PKNOX2: variants seen among roughly 807,000 people sequenced by gnomAD.
PKNOX2 encodes the protein homeobox protein PKNOX2.
A neutral mutation model predicts 53.1 loss-of-function variants in PKNOX2; 14 were observed. The ratio of observed to expected loss-of-function variants is 0.26; its 90% confidence interval spans 0.17 to 0.41. The LOEUF is 0.41. Ranked by LOEUF, PKNOX2 falls within the 10% of genes least tolerant of loss-of-function variation. The pLI is 1.00. For synonymous variants in PKNOX2, 257 were observed against 242.8 expected, an observed-to-expected ratio of 1.06 and a Z score of -0.54; for missense variants, 496 against 602.8, an observed-to-expected ratio of 0.82 and a Z score of 1.85.
At chr11:125,374,980 C>G (rs1952756000) in intron 5 of PKNOX2, among the ~76,000 whole-genome samples, 1 of 152,086 alleles carries the variant, frequency 6.6e-6, no homozygotes, top group African/African-American at 2.4e-5. Context: ...AAGCTGGGGC[C>G]ATGAAGGTTC....
chr11:125,293,220 A>G lies in PKNOX2; in HGVS notation c.-129-38599A>G, dbSNP rs189366573. Among the ~76,000 whole-genome samples the G allele has an allele frequency of 6.6e-4, 100 of 152,264 alleles. 2 individuals are homozygous for G. Among genetic ancestry groups the G allele is most frequent in the Admixed American group, 1.3e-3 (20 of 15,298 alleles). ...CACACAAATACACACACACACAACT[A>G]TATACATATATAATCCATACTGCTT... On this transcript the variant is annotated intron_variant, in intron 2 of 12. Transcript: ENST00000298282.
intron 2 of PKNOX2, among the ~76,000 whole-genome samples, chr11:125,280,764 G>A (rs1465734778): frequency 6.6e-6 from 1 of 152,116 alleles, no homozygotes; most frequent in East Asian, 1.9e-4. Flanking sequence ...CATTCACAGG[G>A]CCCTACACAG....
chr11:125,314,572 G>A (rs953866952), intron 2 of PKNOX2, among the ~76,000 whole-genome samples: 5 of 152,242 alleles, frequency 3.3e-5, no homozygotes, highest in African/African-American at 9.6e-5. Flanking sequence ...GCAGTCAGTG[G>A]GGAGGGGACA....
chr11:125,388,104 C>T (rs924374244), intron 6 of PKNOX2, among the ~76,000 whole-genome samples: 1 of 151,944 alleles, frequency 6.6e-6, no homozygotes, highest in Non-Finnish European at 1.5e-5. Context: ...ACCGTGCGGC[C>T]GGGACCATGA....
chr11:125,170,117 G>A (rs532657750), intron 1 of PKNOX2, among the ~76,000 whole-genome samples: 27 of 152,268 alleles, frequency 1.8e-4, no homozygotes, highest in Admixed American at 2.0e-4. Flanking sequence ...AGCTAGCCAC[G>A]GCCTGAACCT....
At chr11:125,427,095 G>C (rs1565524003) in intron 10 of PKNOX2, among the ~76,000 whole-genome samples, 1 of 152,220 alleles carries the variant, frequency 6.6e-6, no homozygotes, top group Admixed American at 6.5e-5. Flanking sequence ...GCTATGGACA[G>C]GGAGGCTGCT....
chr11:125,320,880 T>C (rs1050082364), intron 2 of PKNOX2, among the ~76,000 whole-genome samples: 1 of 152,162 alleles, frequency 6.6e-6, no homozygotes, highest in Non-Finnish European at 1.5e-5. Flanking sequence ...ACAACCTGCT[T>C]TGCCTGGCAT....
chr11:125,205,310 G>C (rs756643535), intron 1 of PKNOX2, among the ~76,000 whole-genome samples: 4 of 152,024 alleles, frequency 2.6e-5, no homozygotes, highest in African/African-American at 4.8e-5. Context: ...GGTGGGGAGC[G>C]GGGGAGAGCT....
At chr11:125,212,450 T>C (rs1939963412) in intron 1 of PKNOX2, among the ~76,000 whole-genome samples, 1 of 12,842 alleles carries the variant, frequency 7.8e-5, no homozygotes, top group Non-Finnish European at 1.9e-4. Flanking sequence ...GAGGGGATTC[T>C]TTTTTTTTTT....
intron 2 of PKNOX2, among the ~76,000 whole-genome samples, chr11:125,303,556 A>G (rs1948224647): frequency 1.3e-5 from 2 of 152,254 alleles, no homozygotes; most frequent in South Asian, 4.1e-4. Flanking sequence ...GTTCAGACTC[A>G]TGGCCTTGGA....
intron 1 of PKNOX2, among the ~76,000 whole-genome samples, chr11:125,201,721 G>A (rs1173770172): frequency 1.3e-5 from 2 of 152,198 alleles, no homozygotes; most frequent in African/African-American, 4.8e-5. Flanking sequence ...CCTCTCTCCT[G>A]TTATTAATGG....
At chr11:125,250,327 T>C (rs1386198938) in intron 2 of PKNOX2, among the ~76,000 whole-genome samples, 1 of 152,072 alleles carries the variant, frequency 6.6e-6, no homozygotes, top group East Asian at 1.9e-4. Flanking sequence ...TTCAAACAGA[T>C]TTCAAGAAAG....
intron 2 of PKNOX2, among the ~76,000 whole-genome samples, chr11:125,275,056 C>G (rs1156844689): frequency 6.6e-6 from 1 of 152,176 alleles, no homozygotes; most frequent in East Asian, 1.9e-4. Flanking sequence ...ACAAGGGTCC[C>G]TGCCATCAAG....
intron 4 of PKNOX2, among the ~76,000 whole-genome samples, chr11:125,355,480 G>A (rs1036138206): frequency 2.0e-4 from 30 of 152,114 alleles, no homozygotes; most frequent in African/African-American, 7.0e-4. Context: ...ATGCCCTGAA[G>A]AGGTAGGGGT....
intron 1 of PKNOX2, among the ~76,000 whole-genome samples, chr11:125,216,564 G>T (rs1356701163): frequency 1.3e-5 from 2 of 152,160 alleles, no homozygotes; most frequent in Non-Finnish European, 2.9e-5. Flanking sequence ...CTTCAAAAGG[G>T]TTGCTCCTAT....
At chr11:125,208,597 G>A (rs1419123628) in intron 1 of PKNOX2, among the ~76,000 whole-genome samples, 1 of 152,030 alleles carries the variant, frequency 6.6e-6, no homozygotes, top group Non-Finnish European at 1.5e-5. Context: ...AAGTGAATAT[G>A]AGAGACGTAT....
intron 1 of PKNOX2, among the ~76,000 whole-genome samples, chr11:125,177,676 C>A (rs570806193): frequency 6.6e-6 from 1 of 152,196 alleles, no homozygotes; most frequent in Non-Finnish European, 1.5e-5. Context: ...TCTCTCTCCC[C>A]ACAGTGCTGC....
intron 2 of PKNOX2, among the ~76,000 whole-genome samples, chr11:125,271,150 G>A (rs182698267): frequency 6.6e-6 from 1 of 152,256 alleles, no homozygotes; most frequent in Admixed American, 6.5e-5. Context: ...CGTCCTCTCT[G>A]CTGGGATAGC....
chr11:125,305,205 A>T (rs1948351958), intron 2 of PKNOX2, among the ~76,000 whole-genome samples: 1 of 152,150 alleles, frequency 6.6e-6, no homozygotes, highest in African/African-American at 2.4e-5. Flanking sequence ...CTCTTAAGAG[A>T]TTGCCACTCC....
Sources: allele counts gnomAD v4.1 joint callset (sites outside exome capture counted in the v4.1 genomes callset), GRCh38; gene constraint gnomAD v4.1.1; transcripts MANE v1.5; gene names NCBI Gene and HGNC (gene_info 2026-07-23, HGNC 2026-07-21).